Variants in ANXA4 observed in about 807,000 individuals in gnomAD.
ANXA4 encodes the protein 35-beta calcimedin.
Under a neutral mutation model 49.8 loss-of-function variants are expected in ANXA4, and 39 were observed. The ratio of observed to expected loss-of-function variants is 0.78; its 90% CI spans 0.61 to 1.02. The LOEUF is 1.02. Among genes scored for constraint, ANXA4 ranks in the 50% least tolerant of loss-of-function variants. ANXA4 has a pLI of 0.00. For missense variants in ANXA4, 360 were observed against 410.1 expected (o/e 0.88, Z 1.05); for synonymous variants, 134 against 152.5 (o/e 0.88, Z 0.89).
intron 3 of ANXA4, among the ~76,000 whole-genome samples, chr2:69,794,914 G>A (rs1325468624): frequency 1.3e-5 from 2 of 152,260 alleles, no homozygotes; most frequent in East Asian, 1.9e-4. Context: ...GGTACTCACA[G>A]TTTACAAAAT....
chr2:69,670,548 C>T (rs1457420285), intron 2 of ANXA4, among the ~76,000 whole-genome samples: 1 of 150,986 alleles, frequency 6.6e-6, no homozygotes, highest in Non-Finnish European at 1.5e-5. Flanking sequence ...GCTATAGTAA[C>T]TAAGACAATG....
upstream of ANXA4, among the ~76,000 whole-genome samples, chr2:69,740,901 A>G (rs1380757793): frequency 4.4e-5 from 6 of 135,198 alleles, no homozygotes; most frequent in African/African-American, 1.7e-4. Flanking sequence ...CACATTGGCC[A>G]GGCTTATCTC....
At chr2:69,746,336 A>C (rs541575627) in intron 1 of ANXA4, among the ~76,000 whole-genome samples, 7 of 152,228 alleles carry the variant, frequency 4.6e-5, no homozygotes, top group Middle Eastern at 3.4e-3. Context: ...TATACCAATC[A>C]CATCTCCCTT....
At chr2:69,812,284 G>A (rs1259993103) in intron 7 of ANXA4, among the ~76,000 whole-genome samples, 1 of 152,112 alleles carries the variant, frequency 6.6e-6, no homozygotes, top group African/African-American at 2.4e-5. Context: ...CCCCCTTTTG[G>A]CAGAGGTTGA....
At chr2:69,771,096 A>G (rs1671694884) in intron 1 of ANXA4, among the ~76,000 whole-genome samples, 1 of 140,590 alleles carries the variant, frequency 7.1e-6, no homozygotes, top group Admixed American at 7.1e-5. Flanking sequence ...CCTGTCTCCA[A>G]AAAAAAAAAA....
At chr2:69,793,679 C>T (rs1047852615) in intron 3 of ANXA4, among the ~76,000 whole-genome samples, 9 of 152,004 alleles carry the variant, frequency 5.9e-5, no homozygotes, top group African/African-American at 1.5e-4. Context: ...AAGACAAAGA[C>T]GATTTTGAGA....
chr2:69,751,311 C>T (rs1384529194), intron 1 of ANXA4, among the ~76,000 whole-genome samples: 7 of 151,826 alleles, frequency 4.6e-5, no homozygotes, highest in Non-Finnish European at 2.9e-5. Context: ...CTCAGGGGTT[C>T]GAGACCAGCC....
chr2:69,711,337 T>C (rs1298985533), intron 2 of ANXA4, among the ~76,000 whole-genome samples: 1 of 152,192 alleles, frequency 6.6e-6, no homozygotes, highest in Admixed American at 6.5e-5. Context: ...TTGTGATGTG[T>C]CTATTTAATG....
At chr2:69,824,207 T>C (rs952085880) in intron 12 of ANXA4, among the ~76,000 whole-genome samples, 25 of 152,266 alleles carry the variant, frequency 1.6e-4, no homozygotes, top group Admixed American at 3.3e-4. Flanking sequence ...CATATCAAAA[T>C]GTTTAAGAAA....
At chr2:69,713,463 T>G (rs1009982230) in intron 2 of ANXA4, 5 of 152,238 alleles carry the variant, frequency 3.3e-5, no homozygotes, top group Non-Finnish European at 7.3e-5. Context: ...AATTGTAGTA[T>G]GTGCCAATCT....
intron 3 of ANXA4, among the ~76,000 whole-genome samples, chr2:69,736,149 A>G (rs1370748676): frequency 6.6e-6 from 1 of 152,208 alleles, no homozygotes; most frequent in Non-Finnish European, 1.5e-5. Context: ...TTGGTTGTGC[A>G]GTCACAGAAA....
chr2:69,709,855 CT>C (rs546973656), intron 2 of ANXA4, among the ~76,000 whole-genome samples: 254 of 152,316 alleles, frequency 1.7e-3, no homozygotes, highest in African/African-American at 6.0e-3. Flanking sequence ...ATTTATGACA[CT>C]TTCCCCCTTT....
intron 2 of ANXA4, among the ~76,000 whole-genome samples, chr2:69,656,253 ATATACG>A (rs1219200460): frequency 2.9e-5 from 4 of 137,214 alleles, no homozygotes; most frequent in African/African-American, 5.5e-5. Flanking sequence ...ATATATATGT[ATATACG>A]TATATATATG....
At chr2:69,670,028 C>T (rs976840292) in intron 2 of ANXA4, among the ~76,000 whole-genome samples, 1 of 152,204 alleles carries the variant, frequency 6.6e-6, no homozygotes, top group Non-Finnish European at 1.5e-5. Flanking sequence ...TGTCACAAAC[C>T]TGTGTTTGCT....
intron 2 of ANXA4, among the ~76,000 whole-genome samples, chr2:69,654,716 C>G (rs1209220296): frequency 6.6e-6 from 1 of 152,044 alleles, no homozygotes; most frequent in Admixed American, 6.6e-5. Context: ...TTTGGATAGC[C>G]AAGACAATCC....
At chr2:69,718,706 C>A (rs1018885598) in intron 2 of ANXA4, among the ~76,000 whole-genome samples, 7 of 151,954 alleles carry the variant, frequency 4.6e-5, no homozygotes, top group Non-Finnish European at 1.0e-4. Context: ...CATGCACATG[C>A]GCACACATGC....
chr2:69,805,293 T>C (rs1006460874), intron 4 of ANXA4, among the ~76,000 whole-genome samples: 2 of 151,416 alleles, frequency 1.3e-5, no homozygotes, highest in Admixed American at 6.6e-5. Flanking sequence ...AGTAGAAAAA[T>C]AGAAACAGGT....
intron 1 of ANXA4, among the ~76,000 whole-genome samples, chr2:69,648,561 T>G (rs975680357): frequency 6.6e-6 from 1 of 152,182 alleles, no homozygotes; most frequent in African/African-American, 2.4e-5. Flanking sequence ...TGCTGGCTCA[T>G]GCCCGTAATC....
chr2:69,693,559 G>T (rs543296656), intron 2 of ANXA4, among the ~76,000 whole-genome samples: 1 of 152,124 alleles, frequency 6.6e-6, no homozygotes, highest in Admixed American at 6.5e-5. Context: ...CATGTCTTCA[G>T]GCCTCTGGGG....
Sources: allele counts gnomAD v4.1 joint callset (sites outside exome capture counted in the v4.1 genomes callset), GRCh38; gene constraint gnomAD v4.1.1; transcripts MANE v1.5; gene names NCBI Gene and HGNC (gene_info 2026-07-23, HGNC 2026-07-21).